The following SCAPER variants were observed in gnomAD, a reference collection of about 807,000 sequenced individuals.
The protein encoded by SCAPER is S-phase cyclin A associated protein in the ER.
Under a neutral mutation model 182.2 loss-of-function variants are expected in SCAPER, and 98 were observed. The ratio of observed to expected loss-of-function variants is 0.54; its 90% CI spans 0.46 to 0.64. The LOEUF is 0.64. Among genes scored for constraint, SCAPER ranks in the 30% least tolerant of loss-of-function variants. The pLI is 0.00. For synonymous variants in SCAPER, 605 were observed against 564.6 expected, an observed-to-expected ratio of 1.07 and a Z score of -1.01; for missense variants, 1,432 against 1,690.0, an observed-to-expected ratio of 0.85 and a Z score of 2.68.
intron 26 of SCAPER, among the ~76,000 whole-genome samples, chr15:76,414,253 T>C (rs2045498775): frequency 6.6e-6 from 1 of 152,248 alleles, no homozygotes. Flanking sequence ...AAGTGCTTTG[T>C]AGAATTTAGA....
chr15:76,665,081 C>T (rs1012630779), intron 21 of SCAPER, among the ~76,000 whole-genome samples: 7 of 152,278 alleles, frequency 4.6e-5, no homozygotes, highest in African/African-American at 9.6e-5. Context: ...CGGACTCATC[C>T]GTCATCAGAT....
intron 1 of SCAPER, among the ~76,000 whole-genome samples, chr15:76,904,968 C>A (rs536317243): frequency 2.6e-5 from 4 of 152,214 alleles, no homozygotes; most frequent in African/African-American, 9.6e-5. Context: ...GGCAGCCCCC[C>A]ACTCACCCCT....
intron 8 of SCAPER, chr15:76,793,203 C>A (rs567308268): frequency 8.7e-7 from 1 of 1,147,606 alleles, no homozygotes; most frequent in Admixed American, 2.2e-5. Context: ...TCTATAGCTA[C>A]TGTTATTATA....
intron 1 of SCAPER, among the ~76,000 whole-genome samples, chr15:76,893,677 T>C (rs1443004019): frequency 6.6e-6 from 1 of 152,124 alleles, no homozygotes; most frequent in Admixed American, 6.5e-5. Flanking sequence ...GGCCACAAAA[T>C]AAGTCTTAAC....
intron 24 of SCAPER, among the ~76,000 whole-genome samples, chr15:76,486,004 A>G (rs914835948): frequency 4.6e-5 from 7 of 152,182 alleles, no homozygotes; most frequent in Middle Eastern, 3.4e-3. Flanking sequence ...TCAGGAGAGC[A>G]AGACCATCCT....
At chr15:76,671,918 G>A (rs149341161) in intron 20 of SCAPER, among the ~76,000 whole-genome samples, 2,208 of 152,238 alleles carry the variant, frequency 0.015, 21 homozygotes, top group Non-Finnish European at 0.024. Context: ...TCACTGGAGA[G>A]TTAACAGGCT....
chr15:76,495,577 CAAAA>C (rs71444987), intron 24 of SCAPER, among the ~76,000 whole-genome samples: 5 of 56,966 alleles, frequency 8.8e-5, no homozygotes, highest in African/African-American at 2.1e-4. Context: ...GACTTGGTCT[CAAAA>C]AAAAAAAAAA....
intron 4 of SCAPER, among the ~76,000 whole-genome samples, chr15:76,856,436 T>C (rs1332060314): frequency 6.6e-6 from 1 of 151,552 alleles, no homozygotes; most frequent in Non-Finnish European, 1.5e-5. Flanking sequence ...CATATACATA[T>C]ATAAGAAATA....
chr15:76,795,440 T>G lies in SCAPER; in HGVS notation c.612A>C (p.Gly204=). 1 of 1,556,018 alleles carries G rather than the reference T, an allele frequency of 6.4e-7. No individual in the cohort carries two copies. The highest frequency in any genetic ancestry group is 1.3e-5 in the South Asian group (1 of 79,552). The change falls in exon 8 of 32, where the codon GGA becomes GGC. Residue 204 remains glycine, a splice_region_variant and synonymous_variant. Coordinates refer to ENST00000563290, the MANE Select transcript of SCAPER (RefSeq NM_020843.4). ...GAGCTGGCACTGTGCCAGTTGAACCTCTATGGAGAAAAATAAACACATTTA... is the reference window on the plus strand; with the variant it reads ...GAGCTGGCACTGTGCCAGTTGAACCGCTATGGAGAAAAATAAACACATTTA... ...TSNARRSLNF[G]GSTGTVPAPR...
At chr15:76,609,018 T>C (rs1358019345) in intron 22 of SCAPER, among the ~76,000 whole-genome samples, 1 of 152,186 alleles carries the variant, frequency 6.6e-6, no homozygotes, top group Non-Finnish European at 1.5e-5. Flanking sequence ...CACAGTGCGC[T>C]GTGCCTACCG....
chr15:76,634,377 A>G (rs765794871), intron 21 of SCAPER, among the ~76,000 whole-genome samples: 1 of 148,412 alleles, frequency 6.7e-6, no homozygotes, highest in Non-Finnish European at 1.5e-5. Context: ...TGCCATTTTC[A>G]TCCTTCTTGG....
chr15:76,795,589 T>C lies in SCAPER; in HGVS notation c.612-149A>G. ...GCCACGGCAATTTAAGGTAACTATA[T>C]TTATAAATTTATCTTGATCTAATAC... On this transcript the variant is annotated intron_variant, in intron 7 of 31. Transcript: ENST00000563290. 7.8e-6 allele frequency: 4 copies of C among 515,562 alleles called. No homozygotes were observed. The South Asian group carries it at 1.7e-4, about 22-fold the overall frequency. The allele number at this position is 515,562 out of a possible 1,614,324, so 31.9% of individuals were successfully genotyped here.
At chr15:76,776,021 T>A (rs2063722913) in intron 8 of SCAPER, among the ~76,000 whole-genome samples, 2 of 152,080 alleles carry the variant, frequency 1.3e-5, no homozygotes, top group African/African-American at 4.8e-5. Flanking sequence ...TTTCGGGCCC[T>A]CCATCTTACA....
chr15:76,771,839 A>G lies in SCAPER; in HGVS notation c.1151T>C (p.Leu384Pro). The G allele has an allele frequency of 6.2e-7, 1 of 1,613,308 alleles. No homozygotes were observed. Among genetic ancestry groups the G allele is most frequent in the Non-Finnish European group, 8.5e-7 (1 of 1,179,464 alleles). Residue 384 changes from leucine to proline, a missense_variant, in exon 10 of 32, where the codon CTG (leucine) becomes CCG (proline). Physicochemically the swap from Leu to Pro is moderately conservative, Grantham distance 98 (BLOSUM62 -3). Around this residue, in one of 5 missense-constraint regions of SCAPER, gnomAD observed 480 missense variants for 510.2 expected, o/e 0.94. Coordinates refer to ENST00000563290, the MANE Select transcript of SCAPER (RefSeq NM_020843.4). The stretch of plus-strand genomic sequence containing the variant: ...TTGTAAAGGAGGTGTACCAGCTTGC[A>G]GCATAACTGAAACACACTCTGTATC... ...HIDTECVSVM[L>P]QAGTPPLQVN...
In SCAPER at chr15:76,765,000, G is replaced by A. The variant is rs753045060; in HGVS notation, c.1686C>T (p.Arg562=). ...TCTGAAGCTTCAATGTTTTCTCTTC[G>A]CGTAACTTTTCCCTTAGCTGCTGTG... ...MKAQQLREKL[R]EEKTLKLQKL... The change falls in exon 14 of 32, where the codon CGC becomes CGT. Residue 562 remains arginine, a synonymous_variant. Coordinates refer to ENST00000563290, the MANE Select transcript of SCAPER (RefSeq NM_020843.4). 153 of 1,601,960 alleles carry A rather than the reference G, an allele frequency of 9.6e-5. No individual in the cohort carries two copies. The highest frequency in any genetic ancestry group is 1.7e-4 in the Middle Eastern group (1 of 6,032).
chr15:76,872,526 C>T (rs886515435), intron 2 of SCAPER, among the ~76,000 whole-genome samples: 1 of 151,766 alleles, frequency 6.6e-6, no homozygotes, highest in African/African-American at 2.4e-5. Context: ...ACATGATAAA[C>T]GTCAGTAAAC....
intron 23 of SCAPER, among the ~76,000 whole-genome samples, chr15:76,547,239 G>T (rs879008215): frequency 6.6e-6 from 1 of 152,050 alleles, no homozygotes; most frequent in Admixed American, 6.6e-5. Context: ...CAAAGAAGTG[G>T]GACTAAAATG....
At chr15:76,637,878 A>T (rs1336674607) in intron 21 of SCAPER, among the ~76,000 whole-genome samples, 1 of 150,144 alleles carries the variant, frequency 6.7e-6, no homozygotes, top group Admixed American at 6.7e-5. Flanking sequence ...TTCCCTGATG[A>T]CTAATTAGAC....
At chr15:76,615,792 C>A (rs952656270) in intron 22 of SCAPER, among the ~76,000 whole-genome samples, 1 of 147,060 alleles carries the variant, frequency 6.8e-6, no homozygotes, top group African/African-American at 2.6e-5. Flanking sequence ...TGCACTCCAG[C>A]CTGGGTAACA....
Sources: gnomAD v4.1 joint callset for allele counts (sites outside exome capture counted in the v4.1 genomes callset) on GRCh38, gnomAD v4.1.1 for gene constraint, gnomAD v4.1.1 regional missense constraint, MANE v1.5 for transcripts, NCBI Gene and HGNC (gene_info 2026-07-23, HGNC 2026-07-21) for gene names.